Variants in WBP1L observed in about 807,000 individuals in gnomAD.
WBP1L encodes WW domain binding protein 1-like.
Under a neutral mutation model 33.7 loss-of-function variants are expected in WBP1L, and 17 were observed. The ratio of observed to expected loss-of-function variants is 0.50; its 90% CI spans 0.34 to 0.76. WBP1L has a LOEUF of 0.76. Among genes scored for constraint, WBP1L ranks in the 30% least tolerant of loss-of-function variants. The pLI, the probability that WBP1L is intolerant of heterozygous loss-of-function variation, is 0.01. For missense variants in WBP1L, 389 were observed against 469.4 expected, an observed-to-expected ratio of 0.83 and a Z score of 1.58; for synonymous variants, 173 against 190.8, an observed-to-expected ratio of 0.91 and a Z score of 0.77.
intron 3 of WBP1L, among the ~76,000 whole-genome samples, chr10:102,811,595 C>T (rs1843844113): frequency 6.6e-6 from 1 of 152,240 alleles, no homozygotes; most frequent in Admixed American, 6.5e-5. Context: ...ACTGCAACCT[C>T]CTCCTCTGGG....
chr10:102,812,298 C>A (rs921137050), intron 3 of WBP1L, among the ~76,000 whole-genome samples: 1 of 152,202 alleles, frequency 6.6e-6, no homozygotes, highest in Non-Finnish European at 1.5e-5. Context: ...GGCCATCTAC[C>A]ACGTTTGCCT....
At chr10:102,774,788 T>C (rs906655782) in intron 1 of WBP1L, among the ~76,000 whole-genome samples, 4 of 152,172 alleles carry the variant, frequency 2.6e-5, no homozygotes, top group Non-Finnish European at 4.4e-5. Flanking sequence ...AGATGAAATA[T>C]ACTTGCTTTG....
chr10:102,765,792 C>G (rs1198454548), intron 1 of WBP1L, among the ~76,000 whole-genome samples: 1 of 152,134 alleles, frequency 6.6e-6, no homozygotes, highest in East Asian at 1.9e-4. Flanking sequence ...AAAAGCACAA[C>G]CAAGATGATT....
chr10:102,792,688 G>A (rs927298183), intron 1 of WBP1L, among the ~76,000 whole-genome samples: 19 of 149,780 alleles, frequency 1.3e-4, no homozygotes, highest in African/African-American at 3.4e-4. Flanking sequence ...TCCACCTCCC[G>A]GGTTCAAGCG....
At chr10:102,758,960 T>A (rs1169171903) in intron 1 of WBP1L, among the ~76,000 whole-genome samples, 1 of 152,190 alleles carries the variant, frequency 6.6e-6, no homozygotes, top group Non-Finnish European at 1.5e-5. Context: ...TCTACCGCTA[T>A]CTACTACGAA....
intron 1 of WBP1L, among the ~76,000 whole-genome samples, chr10:102,797,781 G>A (rs1252586733): frequency 6.6e-6 from 1 of 152,046 alleles, no homozygotes; most frequent in Non-Finnish European, 1.5e-5. Flanking sequence ...TCGAACTCCT[G>A]ACCTCGCGAT....
chr10:102,811,977 T>C (rs899574162), intron 3 of WBP1L, among the ~76,000 whole-genome samples: 1 of 152,232 alleles, frequency 6.6e-6, no homozygotes, highest in African/African-American at 2.4e-5. Context: ...TTAATAAGCC[T>C]TGGATGGCAG....
intron 1 of WBP1L, among the ~76,000 whole-genome samples, chr10:102,789,704 G>A (rs1953930): frequency 0.53 from 79,987 of 150,992 alleles, 21,972 homozygotes; most frequent in Middle Eastern, 0.64. Flanking sequence ...GTTTCATACA[G>A]TGTACCTAGG....
chr10:102,766,071 A>G (rs1333996488), intron 1 of WBP1L, among the ~76,000 whole-genome samples: 3 of 152,170 alleles, frequency 2.0e-5, no homozygotes, highest in Admixed American at 2.0e-4. Flanking sequence ...TGGCCGAGGC[A>G]GGAGGATCAC....
intron 1 of WBP1L, among the ~76,000 whole-genome samples, chr10:102,781,069 T>A (rs1483085279): frequency 1.3e-5 from 2 of 152,174 alleles, no homozygotes; most frequent in Non-Finnish European, 2.9e-5. Flanking sequence ...AGGGGGCAAC[T>A]CCTGGCCCAA....
chr10:102,796,411 G>C (rs778273414), intron 1 of WBP1L, among the ~76,000 whole-genome samples: 1 of 152,184 alleles, frequency 6.6e-6, no homozygotes, highest in Non-Finnish European at 1.5e-5. Context: ...TGTCCTCTCC[G>C]TGTGGCTTCA....
chr10:102,784,370 T>C (rs1273944473), intron 1 of WBP1L, among the ~76,000 whole-genome samples: 2 of 151,796 alleles, frequency 1.3e-5, no homozygotes, highest in Non-Finnish European at 2.9e-5. Context: ...ATCACTGAAG[T>C]CTATTTTAAT....
At chr10:102,790,396 CTT>C (rs1843478782) in intron 1 of WBP1L, among the ~76,000 whole-genome samples, 1 of 152,008 alleles carries the variant, frequency 6.6e-6, no homozygotes, top group East Asian at 1.9e-4. Flanking sequence ...CTTATAGGGA[CTT>C]TTTTTCAGGG....
At position 102,782,938 on chromosome 10, in the gene WBP1L, T is replaced by C. The variant is rs180986594; in HGVS notation, c.91-15055T>C. Reference sequence around the variant, plus strand: ...ATTTATTATTGTTTGGTTTTCTTGCTTAACACACAAGACTTAAGGATCTCC... The same window carrying C: ...ATTTATTATTGTTTGGTTTTCTTGCCTAACACACAAGACTTAAGGATCTCC... On this transcript the variant is annotated intron_variant, in intron 1 of 3. Coordinates refer to ENST00000448841, the MANE Select transcript of WBP1L (RefSeq NM_001083913.2). Among the ~76,000 whole-genome samples the C allele has an allele frequency of 3.2e-3, 491 of 152,308 alleles. 4 individuals carry two copies. Among genetic ancestry groups the C allele is most frequent in the African/African-American group, 0.011 (469 of 41,552 alleles).
intron 1 of WBP1L, 165 bp downstream of exon 1, chr10:102,744,308 A>G: frequency 1.1e-6 from 1 of 932,184 alleles, no homozygotes; most frequent in Non-Finnish European, 1.3e-6. Context: ...TAGCTGAGGG[A>G]CACCTGTGAC....
rs760253910 is a variant in WBP1L, at chr10:102,776,378, ATGCTCT to A, written c.91-21611_91-21606del. 5 of 1,614,018 alleles carry A rather than the reference ATGCTCT, an allele frequency of 3.1e-6. No homozygotes were observed. In the South Asian group the frequency reaches 5.5e-5, roughly 18 times the overall value. Reference sequence around the variant, plus strand: ...CTTTGTTCCAACGTTAGTGTGGACGATGCTCTTGCAGGATGCCTTTCCTTTTGGGTC... The same window carrying A: ...CTTTGTTCCAACGTTAGTGTGGACGATGCAGGATGCCTTTCCTTTTGGGTC... On this transcript the variant is annotated intron_variant, in intron 1 of 3. Transcript: ENST00000448841.
chr10:102,744,230 A>G, intron 1 of WBP1L, 87 bp downstream of exon 1: 2 of 1,386,486 alleles, frequency 1.4e-6, no homozygotes, highest in Admixed American at 5.3e-5. Flanking sequence ...GTTGTTGCCA[A>G]GAGTTGAGGG....
At chr10:102,784,103 T>C (rs1843374801) in intron 1 of WBP1L, among the ~76,000 whole-genome samples, 1 of 152,158 alleles carries the variant, frequency 6.6e-6, no homozygotes, top group African/African-American at 2.4e-5. Flanking sequence ...AATATGGATA[T>C]GACCAAGTCC....
chr10:102,777,761 C>T (rs1454531627), intron 1 of WBP1L, among the ~76,000 whole-genome samples: 1 of 151,998 alleles, frequency 6.6e-6, no homozygotes, highest in Admixed American at 6.6e-5. Context: ...GACGGGGTTT[C>T]GCCATGTTGG....
Sources: allele counts gnomAD v4.1 joint callset (sites outside exome capture counted in the v4.1 genomes callset), GRCh38; gene constraint gnomAD v4.1.1; transcripts MANE v1.5; gene names NCBI Gene and HGNC (gene_info 2026-07-23, HGNC 2026-07-21).